Variants in ADAT1 observed in about 807,000 individuals in gnomAD.
The protein encoded by ADAT1 is tRNA-specific adenosine deaminase 1.
In ADAT1, 58 loss-of-function variants were observed where a neutral mutation model predicts 58.6. The observed-to-expected ratio is 0.99, with a 90% CI of 0.80 to 1.23. The LOEUF (loss-of-function observed/expected upper bound fraction) is 1.23, where lower values mean the gene tolerates loss of function less well. Ranked by LOEUF, ADAT1 falls within the 50% of genes most tolerant of loss-of-function variation. The pLI is 0.00. For missense variants in ADAT1, 741 were observed against 608.6 expected (o/e 1.22, Z -2.29); for synonymous variants, 254 against 220.8 (o/e 1.15, Z -1.33).
chr16:75,598,854 A>G lies in ADAT1; in HGVS notation c.*1362T>C. Reference sequence around the variant, plus strand: ...TAAAATGTATACTTTAGTTGGGTGAATTTTATGGTCTGTGAATTATATCTC... The same window carrying G: ...TAAAATGTATACTTTAGTTGGGTGAGTTTTATGGTCTGTGAATTATATCTC... On this transcript the variant is annotated 3_prime_UTR_variant, in exon 10 of 10. Transcript: ENST00000564657. 1 of 975,228 alleles carries G rather than the reference A, an allele frequency of 1.0e-6. No homozygotes were observed. Among genetic ancestry groups the G allele is most frequent in the Non-Finnish European group, 1.2e-6 (1 of 820,848 alleles). 60.4% of individuals were successfully genotyped at this position (975,228 alleles called of 1,614,324 possible). A position where few individuals can be genotyped will look rare whatever the true frequency, so the allele number is the denominator to read the frequency against.
chr16:75,607,167 T>C (rs2081393961), intron 8 of ADAT1, among the ~76,000 whole-genome samples: 1 of 152,178 alleles, frequency 6.6e-6, no homozygotes, highest in Non-Finnish European at 1.5e-5. Flanking sequence ...CATAAAAAGA[T>C]GCTCAACACC....
Position 75,598,824 on chromosome 16 carries a change from A to T in ADAT1, c.*1392T>A, listed in dbSNP as rs2081142738. The T allele has an allele frequency of 1.1e-6, 1 of 921,636 alleles. No homozygotes were observed. The highest frequency in any genetic ancestry group is 1.3e-6 in the Non-Finnish European group (1 of 772,292). 57.1% of individuals were successfully genotyped at this position (921,636 alleles called of 1,614,324 possible). On this transcript the variant is annotated 3_prime_UTR_variant, in exon 10 of 10. Coordinates refer to ENST00000564657, the MANE Select transcript of ADAT1 (RefSeq NM_001324445.2). The stretch of plus-strand genomic sequence containing the variant: ...GTAAGCCACCGTGCCCGGCCTAAAA[A>T]CTTTTAAAATGTATACTTTAGTTGG...
At chr16:75,608,801 G>T in intron 7 of ADAT1, 42 bp downstream of exon 7, 1 of 1,589,478 alleles carries the variant, frequency 6.3e-7, no homozygotes, top group South Asian at 1.1e-5. Flanking sequence ...TCTCAGTCAG[G>T]GGAGCAGTTA....
chr16:75,616,931 T>G (rs1235328822), intron 5 of ADAT1, among the ~76,000 whole-genome samples: 1 of 152,246 alleles, frequency 6.6e-6, no homozygotes, highest in Non-Finnish European at 1.5e-5. Context: ...TCTGCACCCC[T>G]TGCCTCTGTC....
Position 75,617,270 on chromosome 16 carries a change from T to A in ADAT1, c.296A>T (p.Tyr99Phe). Residue 99 changes from tyrosine to phenylalanine, a missense_variant and splice_region_variant, in exon 5 of 10, where the codon TAC becomes TTC. Transcript: ENST00000564657. ...EVIARRSFQRYLLHQLQLAAT... is the reference protein window; with the variant it reads ...EVIARRSFQRFLLHQLQLAAT... ...TGCCAACTGGAGTTGGTGGAGAAGG[T>A]ACCTAAGGGTTGCAAGATGTTATTA... 6.2e-7 allele frequency: 1 copy of A among 1,612,212 alleles called. No homozygotes were observed. Among genetic ancestry groups the A allele is most frequent in the Non-Finnish European group, 8.5e-7 (1 of 1,178,414 alleles).
chr16:75,617,573 G>A (rs567638839), intron 4 of ADAT1, among the ~76,000 whole-genome samples: 78 of 151,904 alleles, frequency 5.1e-4, no homozygotes, highest in African/African-American at 1.7e-3. Context: ...GTTTGAGGCT[G>A]TAGTGAGCTA....
At position 75,608,209 on chromosome 16, in the gene ADAT1, C is replaced by A. The variant is rs762552125; in HGVS notation, c.1289+15G>T. On this transcript the variant is annotated intron_variant, in intron 8 of 9. Coordinates refer to ENST00000564657, the MANE Select transcript of ADAT1 (RefSeq NM_001324445.2). ...GTTCACAGCCACCATCTCCTCCTGC[C>A]CCAATATGCTGTACCTTGCCTGAAG... is the stretch of plus-strand genomic sequence containing the variant. The A allele has an allele frequency of 4.3e-6, 7 of 1,609,638 alleles. No homozygotes were observed. The South Asian group carries it at 6.6e-5, about 15-fold the overall frequency.
intron 8 of ADAT1, among the ~76,000 whole-genome samples, chr16:75,607,556 C>A (rs1308190261): frequency 6.7e-6 from 1 of 149,554 alleles, no homozygotes; most frequent in Admixed American, 6.7e-5. Context: ...ACTAGAATGA[C>A]TACAATAAAA....
chr16:75,605,874 T>C (rs1194317527), intron 8 of ADAT1, among the ~76,000 whole-genome samples: 2 of 148,656 alleles, frequency 1.3e-5, no homozygotes, highest in African/African-American at 5.0e-5. Context: ...GAGGCAGAGG[T>C]TGCAGTGAGC....
intron 3 of ADAT1, 200 bp from the exon 4 acceptor site, chr16:75,618,840 C>T: frequency 5.5e-6 from 3 of 545,358 alleles, no homozygotes; most frequent in Non-Finnish European, 9.4e-6. Context: ...ACATTTTGGG[C>T]CAGAAAATTT....
chr16:75,605,485 A>G (rs1271926578), intron 8 of ADAT1, among the ~76,000 whole-genome samples: 1 of 152,120 alleles, frequency 6.6e-6, no homozygotes, highest in Non-Finnish European at 1.5e-5. Context: ...ATACGTGTTA[A>G]TTGTTTATGT....
At chr16:75,619,996 T>C (rs1181925337) in intron 3 of ADAT1, among the ~76,000 whole-genome samples, 2 of 151,966 alleles carry the variant, frequency 1.3e-5, no homozygotes, top group African/African-American at 4.8e-5. Flanking sequence ...AGACCTAATG[T>C]GGAATAGCTA....
chr16:75,615,974 C>G (rs529451050), intron 5 of ADAT1, among the ~76,000 whole-genome samples: 42 of 151,630 alleles, frequency 2.8e-4, no homozygotes, highest in Non-Finnish European at 4.9e-4. Flanking sequence ...TCTTAAAACT[C>G]TTTTCTCATA....
intron 3 of ADAT1, chr16:75,619,784 C>A (rs768451624): frequency 3.6e-5 from 13 of 360,318 alleles, no homozygotes; most frequent in Non-Finnish European, 5.5e-6. Context: ...ATGGTGGGTG[C>A]CTGCTGAGGC....
chr16:75,600,062 C>G lies in ADAT1; in HGVS notation c.*154G>C. 2.0e-6 allele frequency: 3 copies of G among 1,486,528 alleles called. No individual in the cohort carries two copies. The highest frequency in any genetic ancestry group is 2.7e-6 in the Non-Finnish European group (3 of 1,116,250). The allele number at this position is 1,486,528 out of a possible 1,614,324, so 92.1% of individuals were successfully genotyped here. ...CTACTTCAATCAAGTATAGCTTGCT[C>G]TAAGTTCCAGATTCCATCTGTATTA... is the stretch of plus-strand genomic sequence containing the variant. On this transcript the variant is annotated 3_prime_UTR_variant, in exon 10 of 10. Coordinates refer to ENST00000564657, the MANE Select transcript of ADAT1 (RefSeq NM_001324445.2).
At chr16:75,615,543 A>C (rs1051832962) in intron 5 of ADAT1, among the ~76,000 whole-genome samples, 2 of 135,550 alleles carry the variant, frequency 1.5e-5, no homozygotes, top group African/African-American at 2.7e-5. Flanking sequence ...ATAATGTTTT[A>C]AGAAAGTTTA....
intron 5 of ADAT1, among the ~76,000 whole-genome samples, chr16:75,616,761 A>T (rs991584186): frequency 6.6e-5 from 10 of 152,214 alleles, no homozygotes; most frequent in Non-Finnish European, 1.5e-4. Flanking sequence ...TGCCTGACAA[A>T]TAGTAGAAAG....
intron 7 of ADAT1, 68 bp downstream of exon 7, chr16:75,608,775 G>T: frequency 1.3e-6 from 2 of 1,552,698 alleles, no homozygotes; most frequent in South Asian, 1.2e-5. Context: ...GGAGGATGCC[G>T]ACCCTCTGGG....
In ADAT1 at chr16:75,597,946, C is replaced by G. The variant is rs2081115455; in HGVS notation, c.*2270G>C. 6.6e-6 allele frequency among the ~76,000 whole-genome samples: 1 copy of G among 152,224 alleles called. No homozygotes were observed. Among genetic ancestry groups the G allele is most frequent in the African/African-American group, 2.4e-5 (1 of 41,456 alleles). ...TCCTGCTGTGTGACCTTGTTCCTGA[C>G]AGGCCACAGACAAGTAATGGTCTGT... On this transcript the variant is annotated 3_prime_UTR_variant, in exon 10 of 10. Coordinates refer to ENST00000564657, the MANE Select transcript of ADAT1 (RefSeq NM_001324445.2).
Sources: allele counts gnomAD v4.1 joint callset (sites outside exome capture counted in the v4.1 genomes callset), GRCh38; gene constraint gnomAD v4.1.1; transcripts MANE v1.5; gene names NCBI Gene and HGNC (gene_info 2026-07-23, HGNC 2026-07-21).